GJB6: variants seen among roughly 807,000 people sequenced by gnomAD.
GJB6 encodes gap junction protein beta 6.
A neutral mutation model predicts 5.4 loss-of-function variants in GJB6; 5 were observed. That is an observed-to-expected ratio of 0.92 (90% CI 0.48 to 1.93). The LOEUF (loss-of-function observed/expected upper bound fraction) is 1.93. Among genes scored for constraint, GJB6 ranks in the 30% most tolerant of loss-of-function variants. The probability of loss-of-function intolerance (pLI) is 0.01; values close to 1 mark genes in which losing one functional copy is unlikely to be tolerated. For missense variants in GJB6, 298 were observed against 326.9 expected (o/e 0.91, Z 0.68); for synonymous variants, 136 against 129.6 (o/e 1.05, Z -0.34).
rs571030455 is a variant in GJB6 at position 20,222,643 on chromosome 13, T to C, written c.*52A>G. The C allele has an allele frequency of 4.0e-6, 6 of 1,512,948 alleles. No individual in the cohort carries two copies. Among genetic ancestry groups the C allele is most frequent in the Admixed American group, 1.7e-5 (1 of 59,868 alleles). 93.7% of individuals were successfully genotyped at this position (1,512,948 alleles called of 1,614,324 possible). On this transcript the variant is annotated 3_prime_UTR_variant, in exon 5 of 5. Transcript: ENST00000647029. ...GAACTTTCAGGTTGGTATTGCCTTC[T>C]GGAGAAGACAGAAGTCTCCTTATGA...
chr13:20,227,718 C>T (rs961355770), intron 4 of GJB6, among the ~76,000 whole-genome samples: 15 of 152,338 alleles, frequency 9.8e-5, no homozygotes, highest in African/African-American at 2.9e-4. Flanking sequence ...GAGCTCCCCT[C>T]GCAAGTGTCA....
At position 20,229,722 on chromosome 13, in the gene GJB6, A is replaced by G. The variant is rs201084500; in HGVS notation, c.-158T>C. On this transcript the variant is annotated 5_prime_UTR_variant, in exon 4 of 5. Coordinates refer to ENST00000647029, the MANE Select transcript of GJB6 (RefSeq NM_001110219.3). Reference sequence around the variant, plus strand: ...GTGCACAGTGATGATACGAATGTCAATCTTTGCTCGGTCAGTGAGGATGTC... The same window carrying G: ...GTGCACAGTGATGATACGAATGTCAGTCTTTGCTCGGTCAGTGAGGATGTC... 3.3e-5 allele frequency: 5 copies of G among 151,772 alleles called. No individual in the cohort carries two copies. Among genetic ancestry groups the G allele is most frequent in the Non-Finnish European group, 7.4e-5 (5 of 68,000 alleles). The allele number at this position is 151,772 out of a possible 1,614,324, so 9.4% of individuals were successfully genotyped here.
chr13:20,223,388 G>T lies in GJB6; in HGVS notation c.93C>A (p.Phe31Leu). Residue 31 changes from phenylalanine to leucine, a missense_variant, in exon 5 of 5, where the codon TTC (phenylalanine) becomes TTA (leucine). Physicochemically the swap from Phe to Leu is conservative, Grantham distance 22 (BLOSUM62 0). Coordinates refer to ENST00000647029, the MANE Select transcript of GJB6 (RefSeq NM_001110219.3). ...CAGCCACCACGAGGATCATGACTCG[G>T]AAAATAAAGATGACTGTGATCCACA... ...GKVWITVIFI[F>L]RVMILVVAAQ... 3.7e-6 allele frequency: 6 copies of T among 1,614,052 alleles called. No homozygotes were observed. Among genetic ancestry groups the T allele is most frequent in the Non-Finnish European group, 5.1e-6 (6 of 1,179,964 alleles).
Position 20,222,621 on chromosome 13 carries a change from C to G in GJB6, c.*74G>C. The G allele has an allele frequency of 7.8e-7, 1 of 1,277,818 alleles. No homozygotes were observed. The highest frequency in any genetic ancestry group is 2.3e-5 in the East Asian group (1 of 43,268). 79.2% of individuals were successfully genotyped at this position (1,277,818 alleles called of 1,614,324 possible). The stretch of plus-strand genomic sequence containing the variant: ...CAAACTCTTCAGGCTACAGAAGGAA[C>G]TTTCAGGTTGGTATTGCCTTCTGGA... On this transcript the variant is annotated 3_prime_UTR_variant, in exon 5 of 5. Transcript: ENST00000647029.
Position 20,222,421 on chromosome 13 carries a change from C to T in GJB6, c.*274G>A. 1 of 414,846 alleles carries T rather than the reference C, an allele frequency of 2.4e-6. No individual in the cohort carries two copies. The highest frequency in any genetic ancestry group is 4.3e-6 in the Non-Finnish European group (1 of 232,172). 25.7% of individuals were successfully genotyped at this position (414,846 alleles called of 1,614,324 possible). On this transcript the variant is annotated 3_prime_UTR_variant, in exon 5 of 5. Transcript: ENST00000647029. ...GTTATATAAATTTTCAGAAAGTACC[C>T]ACTTTGTCAGAGAGTCCACTTAAAA...
At position 20,223,053 on chromosome 13, in the gene GJB6, C is replaced by T. The variant is rs201783640; in HGVS notation, c.428G>A (p.Arg143Gln). The T allele has an allele frequency of 1.5e-5, 24 of 1,613,348 alleles. No homozygotes were observed. Among genetic ancestry groups the T allele is most frequent in the Middle Eastern group, 1.6e-4 (1 of 6,062 alleles). ...CATAAAGGCTGCTTCAAAGATGATT[C>T]GGAAAAAGATGCTGCTGGTGTACGT... ...WWTYTSSIFF[R>Q]IIFEAAFMYV... is the part of the protein sequence containing the mutation. The change falls in exon 5 of 5, where the codon CGA becomes CAA. Residue 143 changes from arginine (R) to glutamine (Q), a missense_variant. Arg to Gln is a conservative substitution (Grantham distance 43, BLOSUM62 1). Coordinates refer to ENST00000647029, the MANE Select transcript of GJB6 (RefSeq NM_001110219.3).
intron 4 of GJB6, among the ~76,000 whole-genome samples, chr13:20,227,505 G>A (rs1200709273): frequency 6.6e-6 from 1 of 152,152 alleles, no homozygotes; most frequent in Non-Finnish European, 1.5e-5. Context: ...GAGAAGCTGT[G>A]TCCTCTCTCC....
intron 4 of GJB6, among the ~76,000 whole-genome samples, chr13:20,223,699 C>T (rs1029021902): frequency 7.2e-5 from 11 of 152,136 alleles, no homozygotes; most frequent in African/African-American, 2.7e-4. Flanking sequence ...GGTGTGGTGG[C>T]TCACGCCTGG....
chr13:20,223,918 G>A (rs1360105736), intron 4 of GJB6, among the ~76,000 whole-genome samples: 3 of 151,874 alleles, frequency 2.0e-5, no homozygotes, highest in South Asian at 4.2e-4. Context: ...GCAGTGAGCC[G>A]AGATTGCACC....
At chr13:20,227,061 C>T (rs776366828) in intron 4 of GJB6, among the ~76,000 whole-genome samples, 3 of 151,856 alleles carry the variant, frequency 2.0e-5, no homozygotes, top group Middle Eastern at 3.2e-3. Flanking sequence ...GGTCACAACT[C>T]CCCCCCAGGA....
chr13:20,227,576 C>T (rs961495662), intron 4 of GJB6, among the ~76,000 whole-genome samples: 1 of 152,150 alleles, frequency 6.6e-6, no homozygotes, highest in Non-Finnish European at 1.5e-5. Flanking sequence ...GCTGGTGTTT[C>T]CCAACTGAGA....
intron 4 of GJB6, 29 bp from the exon 5 acceptor site, chr13:20,223,524 A>G (rs941254104): frequency 1.3e-6 from 2 of 1,561,660 alleles, no homozygotes; most frequent in Admixed American, 1.7e-5. Context: ...GCAAAGGTTT[A>G]TTAGTGGAAG....
intron 2 of GJB6, chr13:20,231,053 A>G (rs1870049765): frequency 6.6e-6 from 1 of 152,362 alleles, no homozygotes; most frequent in Admixed American, 6.5e-5. Flanking sequence ...AACACCCCCA[A>G]AGACGCTGCT....
chr13:20,226,402 G>C (rs1373032207), intron 4 of GJB6, among the ~76,000 whole-genome samples: 1 of 152,090 alleles, frequency 6.6e-6, no homozygotes. Flanking sequence ...AATGCACAGG[G>C]GACTCCTCTG....
intron 4 of GJB6, among the ~76,000 whole-genome samples, chr13:20,227,203 G>C (rs1407470340): frequency 6.6e-6 from 1 of 151,968 alleles, no homozygotes; most frequent in Non-Finnish European, 1.5e-5. Flanking sequence ...ATTTTTCTGG[G>C]TCCCCAAGCC....
chr13:20,223,505 C>T lies in GJB6; in HGVS notation c.-15-10G>A. 1 of 1,607,424 alleles carries T rather than the reference C, an allele frequency of 6.2e-7. No individual in the cohort carries two copies. Among genetic ancestry groups the T allele is most frequent in the Non-Finnish European group, 8.5e-7 (1 of 1,174,154 alleles). ...TTGCGCTGGTTTATCCCTAAACAGA[C>T]AAAAGTGGGCAAAGGTTTATTAGTG... On this transcript the variant is annotated splice_polypyrimidine_tract_variant and intron_variant, in intron 4 of 4. Coordinates refer to ENST00000647029, the MANE Select transcript of GJB6 (RefSeq NM_001110219.3).
Position 20,223,107 on chromosome 13 carries a change from T to G in GJB6, c.374A>C (p.Lys125Thr), listed in dbSNP as rs1279029288. ...CCACAGCGACCCCTCTATCCGAACC[T>G]TCTGCTTTTTAATGTCCTCTATGTC... ...FKDIEDIKKQ[K>T]VRIEGSLWWT... The change falls in exon 5 of 5, where the codon AAG becomes ACG. Residue 125 changes from lysine (K) to threonine (T), a missense_variant. Lys to Thr is a moderately conservative substitution (Grantham distance 78, BLOSUM62 -1). Coordinates refer to ENST00000647029, the MANE Select transcript of GJB6 (RefSeq NM_001110219.3). 1 of 1,614,176 alleles carries G rather than the reference T, an allele frequency of 6.2e-7. No homozygotes were observed. Among genetic ancestry groups the G allele is most frequent in the East Asian group, 2.2e-5 (1 of 44,880 alleles).
At chr13:20,223,541 T>TG (rs1421758920) in intron 4 of GJB6, 46 bp from the exon 5 acceptor site, 3 of 1,449,076 alleles carry the variant, frequency 2.1e-6, no homozygotes, top group Non-Finnish European at 9.7e-7. Context: ...GAAGAGGCCT[T>TG]GGGAAAGTGA....
chr13:20,229,150 A>AAAAAAAAAAAAT (rs1869874003), intron 4 of GJB6, among the ~76,000 whole-genome samples: 1 of 62,160 alleles, frequency 1.6e-5, no homozygotes, highest in African/African-American at 8.0e-5. Flanking sequence ...AAAAAAAAAA[A>AAAAAAAAAAAAT]TTTTTTTTTT....
Sources: gnomAD v4.1 joint callset for allele counts (sites outside exome capture counted in the v4.1 genomes callset) on GRCh38, gnomAD v4.1.1 for gene constraint, MANE v1.5 for transcripts, NCBI Gene and HGNC (gene_info 2026-07-23, HGNC 2026-07-21) for gene names.